The following STARD3NL variants were observed in gnomAD, a reference collection of about 807,000 sequenced individuals.
STARD3NL encodes the protein STARD3 N-terminal-like protein.
In STARD3NL, 17 loss-of-function variants were observed where a neutral mutation model predicts 30.9. The ratio of observed to expected loss-of-function variants is 0.55; its 90% CI spans 0.38 to 0.82. The LOEUF (loss-of-function observed/expected upper bound fraction) is 0.82, where lower values mean the gene tolerates loss of function less well. Among genes scored for constraint, STARD3NL ranks in the 40% least tolerant of loss-of-function variants. The probability of loss-of-function intolerance (pLI) is 0.00; values close to 1 mark genes in which losing one functional copy is unlikely to be tolerated. For synonymous variants in STARD3NL, 112 were observed against 100.5 expected (o/e 1.11, Z -0.69); for missense variants, 234 against 277.6 (o/e 0.84, Z 1.12).
chr7:38,189,273 A>G (rs1435177516), intron 1 of STARD3NL, among the ~76,000 whole-genome samples: 1 of 152,234 alleles, frequency 6.6e-6, no homozygotes, highest in African/African-American at 2.4e-5. Context: ...AAGATTAAGA[A>G]TAACACCGTG....
chr7:38,192,726 C>T (rs1217838773), intron 1 of STARD3NL, among the ~76,000 whole-genome samples: 11 of 152,158 alleles, frequency 7.2e-5, no homozygotes, highest in Admixed American at 7.2e-4. Context: ...CTGCTGTCAA[C>T]TAAGTGCTTT....
rs1443455928 is a variant in STARD3NL, at chr7:38,193,089, T to C, written c.-58-14358T>C. On this transcript the variant is annotated intron_variant, in intron 1 of 8. Coordinates refer to ENST00000009041, the MANE Select transcript of STARD3NL (RefSeq NM_032016.4). Reference sequence around the variant, plus strand: ...CAGATATCCACTTGGAAATGAAGAGTTGTCCTACAAAATTTGAAATTATGC... The same window carrying C: ...CAGATATCCACTTGGAAATGAAGAGCTGTCCTACAAAATTTGAAATTATGC... 9.2e-5 allele frequency among the ~76,000 whole-genome samples: 14 copies of C among 152,204 alleles called. No homozygotes were observed. The East Asian group carries it at 2.5e-3, about 27-fold the overall frequency.
At chr7:38,182,887 T>G (rs973425103) in intron 1 of STARD3NL, among the ~76,000 whole-genome samples, 2 of 152,190 alleles carry the variant, frequency 1.3e-5, no homozygotes, top group African/African-American at 4.8e-5. Flanking sequence ...ATCTGGAGTT[T>G]GGAGGAATCT....
chr7:38,222,017 G>C (rs1250289755), intron 7 of STARD3NL, among the ~76,000 whole-genome samples: 1 of 152,166 alleles, frequency 6.6e-6, no homozygotes, highest in Non-Finnish European at 1.5e-5. Flanking sequence ...CTCTTCCACA[G>C]CCCTGTCATC....
At chr7:38,189,433 G>A (rs575091461) in intron 1 of STARD3NL, among the ~76,000 whole-genome samples, 3 of 152,312 alleles carry the variant, frequency 2.0e-5, no homozygotes, top group African/African-American at 7.2e-5. Flanking sequence ...GTGTGTCTGA[G>A]CCTTGGTAGG....
chr7:38,194,969 C>T (rs1193100323), intron 1 of STARD3NL, among the ~76,000 whole-genome samples: 5 of 152,070 alleles, frequency 3.3e-5, no homozygotes, highest in Non-Finnish European at 7.4e-5. Flanking sequence ...ATTTACATAG[C>T]ATTTGCCTTT....
chr7:38,219,173 A>T (rs1786300603), intron 6 of STARD3NL, among the ~76,000 whole-genome samples: 1 of 152,052 alleles, frequency 6.6e-6, no homozygotes, highest in Non-Finnish European at 1.5e-5. Context: ...TAACCTCCCC[A>T]GTAGCTGGGA....
rs1423296489 is a variant in STARD3NL, at chr7:38,228,752, G to A, written c.650-47G>A. On this transcript the variant is annotated intron_variant, in intron 7 of 8. Transcript: ENST00000009041. ...TATTTATTTAAAATAGTTTGTTACT[G>A]TAATGGAATGAAATACTTTTTCTTT... is the stretch of plus-strand genomic sequence containing the variant. 3.3e-6 allele frequency: 5 copies of A among 1,511,244 alleles called. No individual in the cohort carries two copies. In the African/African-American group the frequency reaches 4.1e-5, roughly 12 times the overall value. 93.6% of individuals were successfully genotyped at this position (1,511,244 alleles called of 1,614,324 possible). A position where few individuals can be genotyped will look rare whatever the true frequency, so the allele number is the denominator to read the frequency against.
intron 1 of STARD3NL, among the ~76,000 whole-genome samples, chr7:38,202,751 G>T (rs1448385880): frequency 7.7e-6 from 1 of 129,358 alleles, no homozygotes; most frequent in African/African-American, 3.0e-5. Flanking sequence ...AGGCCCTGGT[G>T]TGTGATGTTC....
chr7:38,201,392 T>TA (rs769184935), intron 1 of STARD3NL, among the ~76,000 whole-genome samples: 34 of 152,218 alleles, frequency 2.2e-4, no homozygotes, highest in Non-Finnish European at 4.4e-4. Flanking sequence ...CTGAGATTGA[T>TA]ACGTTTCTTA....
chr7:38,219,457 TAAAGG>T, intron 6 of STARD3NL, 103 bp from the exon 7 acceptor site: 3 of 692,892 alleles, frequency 4.3e-6, no homozygotes, highest in Admixed American at 2.6e-5. Flanking sequence ...CCTCTTTTTC[TAAAGG>T]TATTTCATTG....
intron 7 of STARD3NL, among the ~76,000 whole-genome samples, chr7:38,221,132 T>C (rs901667465): frequency 3.9e-5 from 6 of 152,324 alleles, no homozygotes; most frequent in South Asian, 2.1e-4. Context: ...CACAACAGCA[T>C]AGATGAACTG....
At chr7:38,181,896 A>G (rs573735743) in intron 1 of STARD3NL, among the ~76,000 whole-genome samples, 2 of 152,224 alleles carry the variant, frequency 1.3e-5, no homozygotes, top group Admixed American at 1.3e-4. Flanking sequence ...TCTGCTTGGA[A>G]TGCCCTCTGG....
intron 7 of STARD3NL, 103 bp from the exon 8 acceptor site, chr7:38,228,695 GT>G (rs1281334874): frequency 1.1e-5 from 10 of 887,768 alleles, no homozygotes; most frequent in Non-Finnish European, 1.7e-5. Flanking sequence ...TATGTTTAAT[GT>G]TTTTATGTGT....
intron 1 of STARD3NL, among the ~76,000 whole-genome samples, chr7:38,199,880 C>A (rs1785094627): frequency 1.3e-5 from 2 of 152,190 alleles, no homozygotes; most frequent in Admixed American, 1.3e-4. Context: ...AAATTTATAA[C>A]TTGATTGTGT....
At chr7:38,202,116 G>C (rs1362799371) in intron 1 of STARD3NL, 3 of 152,248 alleles carry the variant, frequency 2.0e-5, no homozygotes, top group East Asian at 3.8e-4. Context: ...TGCAAGCTTT[G>C]TGTTAAGAGC....
chr7:38,221,990 A>G lies in STARD3NL; in HGVS notation c.649+2330A>G, dbSNP rs140530632. ...CTCCCGGCAGTCTTAGAACATCCTT[A>G]GCATGTTCTTTGGAACCTCTTCCAC... is the stretch of plus-strand genomic sequence containing the variant. On this transcript the variant is annotated intron_variant, in intron 7 of 8. Transcript: ENST00000009041. Among the ~76,000 whole-genome samples the G allele has an allele frequency of 1.7e-3, 258 of 152,228 alleles. 2 individuals are homozygous for G. Among genetic ancestry groups the G allele is most frequent in the Admixed American group, 0.012 (177 of 15,300 alleles).
chr7:38,221,157 C>T (rs932171895), intron 7 of STARD3NL, among the ~76,000 whole-genome samples: 6 of 152,058 alleles, frequency 3.9e-5, no homozygotes, highest in Admixed American at 1.3e-4. Context: ...CACTGGATGG[C>T]ATGCTTAAAA....
intron 1 of STARD3NL, among the ~76,000 whole-genome samples, chr7:38,180,324 C>T (rs748187967): frequency 1.3e-3 from 198 of 152,264 alleles, no homozygotes; most frequent in Non-Finnish European, 2.3e-3. Flanking sequence ...TCTTAAGCTC[C>T]CTGCTTTTAA....
Sources: gnomAD v4.1 joint callset for allele counts (sites outside exome capture counted in the v4.1 genomes callset) on GRCh38, gnomAD v4.1.1 for gene constraint, MANE v1.5 for transcripts, NCBI Gene and HGNC (gene_info 2026-07-23, HGNC 2026-07-21) for gene names.